Variants in BACH1 observed in about 807,000 individuals in gnomAD.
BACH1 encodes BTB domain and CNC homolog 1.
Under a neutral mutation model 52.9 loss-of-function variants are expected in BACH1, and 35 were observed. The ratio of observed to expected loss-of-function variants is 0.66; its 90% CI spans 0.51 to 0.88. The LOEUF (loss-of-function observed/expected upper bound fraction) is 0.88. BACH1 is among the 40% of genes least tolerant of loss of function. The pLI is 0.00. For missense variants in BACH1, 808 were observed against 872.6 expected (o/e 0.93, Z 0.93); for synonymous variants, 321 against 319.6 (o/e 1.00, Z -0.05).
At chr21:29,309,084 C>T (rs1342737666) in intron 1 of BACH1, among the ~76,000 whole-genome samples, 1 of 152,032 alleles carries the variant, frequency 6.6e-6, no homozygotes, top group African/African-American at 2.4e-5. Context: ...ATGGTGAAAC[C>T]CTGTCTCTAC....
intron 1 of BACH1, among the ~76,000 whole-genome samples, chr21:29,306,902 T>C (rs1250073198): frequency 2.0e-5 from 3 of 152,206 alleles, no homozygotes; most frequent in Non-Finnish European, 4.4e-5. Flanking sequence ...TAAATATATA[T>C]AGAAGAAATA....
chr21:29,326,808 A>G lies in BACH1; in HGVS notation c.984A>G (p.Thr328=). The G allele has an allele frequency of 4.3e-6, 7 of 1,614,188 alleles. No homozygotes were observed. The highest frequency in any genetic ancestry group is 5.1e-6 in the Non-Finnish European group (6 of 1,180,040). ...TTTATTCTTTGTCTCTTTTACACAC[A>G]TATGACCAATATGGTGACTTGAATT... is the stretch of plus-strand genomic sequence containing the variant. ...HGLYSLSLLH[T]YDQYGDLNFA... The change falls in exon 3 of 5, where the codon ACA becomes ACG. Residue 328 remains threonine (T), a synonymous_variant. Coordinates refer to ENST00000286800, the MANE Select transcript of BACH1 (RefSeq NM_001186.4).
At chr21:29,334,286 G>C (rs2089019629) in intron 4 of BACH1, among the ~76,000 whole-genome samples, 1 of 151,878 alleles carries the variant, frequency 6.6e-6, no homozygotes, top group Admixed American at 6.6e-5. Flanking sequence ...TTTTAGTAGA[G>C]ACGGGGTTTC....
intron 1 of BACH1, among the ~76,000 whole-genome samples, chr21:29,319,958 A>G (rs2088829744): frequency 6.6e-6 from 1 of 152,078 alleles, no homozygotes; most frequent in Non-Finnish European, 1.5e-5. Flanking sequence ...CTAAAAATAA[A>G]TTTATATTCT....
chr21:29,319,461 A>G (rs1262359302), intron 1 of BACH1, among the ~76,000 whole-genome samples: 2 of 151,664 alleles, frequency 1.3e-5, no homozygotes, highest in African/African-American at 4.9e-5. Context: ...TTGCTAGGAG[A>G]GATGCTGATA....
intron 1 of BACH1, among the ~76,000 whole-genome samples, chr21:29,309,604 C>G (rs2088697682): frequency 6.6e-6 from 1 of 152,106 alleles, no homozygotes; most frequent in East Asian, 1.9e-4. Flanking sequence ...ATTGGAAATT[C>G]TTTAGGTCTG....
chr21:29,342,788 A>C lies in BACH1; in HGVS notation c.2166A>C (p.Ser722=). The C allele has an allele frequency of 1.2e-6, 2 of 1,610,630 alleles. No individual in the cohort carries two copies. The highest frequency in any genetic ancestry group is 1.7e-6 in the Non-Finnish European group (2 of 1,177,194). Residue 722 remains serine (S), a synonymous_variant, in exon 5 of 5, where the codon TCA becomes TCC. Coordinates refer to ENST00000286800, the MANE Select transcript of BACH1 (RefSeq NM_001186.4). ...AGTGTCGTCAGAGTGGTGGGATCTC[A>C]GATTTCTGTCAGCAGATGACTGATA... is the stretch of plus-strand genomic sequence containing the variant. ...AEQCRQSGGI[S]DFCQQMTDKC... is the part of the protein sequence containing the mutation.
intron 4 of BACH1, among the ~76,000 whole-genome samples, chr21:29,330,342 A>T (rs969625031): frequency 6.7e-5 from 10 of 150,064 alleles, no homozygotes; most frequent in African/African-American, 2.4e-4. Context: ...TTTTTTTTTT[A>T]ATTTATTTTT....
At chr21:29,327,428 A>G in intron 3 of BACH1, 35 bp downstream of exon 3, 3 of 1,580,174 alleles carry the variant, frequency 1.9e-6, no homozygotes, top group Non-Finnish European at 2.6e-6. Flanking sequence ...CATTGTTTTA[A>G]TAACCATTAA....
intron 1 of BACH1, among the ~76,000 whole-genome samples, chr21:29,312,980 C>T (rs1290744939): frequency 6.6e-5 from 10 of 152,164 alleles, no homozygotes; most frequent in Non-Finnish European, 1.3e-4. Context: ...TAAGGAGGCT[C>T]AACATCCATT....
At chr21:29,355,604 A>C (rs1005083357) in intron 2 of BACH1, among the ~76,000 whole-genome samples, 1 of 152,198 alleles carries the variant, frequency 6.6e-6, no homozygotes, top group East Asian at 1.9e-4. Context: ...AGGCCAGTGA[A>C]AGGGCCAGCG....
At chr21:29,351,008 C>T (rs1259810614), downstream of BACH1, among the ~76,000 whole-genome samples, 1 of 152,186 alleles carries the variant, frequency 6.6e-6, no homozygotes, top group Non-Finnish European at 1.5e-5. Flanking sequence ...TCTTTTTCCT[C>T]TTCCTCATCT....
At chr21:29,349,364 A>G (rs543499782), downstream of BACH1, among the ~76,000 whole-genome samples, 39 of 152,104 alleles carry the variant, frequency 2.6e-4, no homozygotes, top group Non-Finnish European at 4.6e-4. Context: ...GCTACACCTA[A>G]AAGGCCTGTG....
chr21:29,308,143 T>C (rs1423948409), intron 1 of BACH1, among the ~76,000 whole-genome samples: 1 of 152,222 alleles, frequency 6.6e-6, no homozygotes, highest in Non-Finnish European at 1.5e-5. Context: ...TTGTTCCTTA[T>C]TTGGCTGAAT....
chr21:29,321,629 A>C, intron 2 of BACH1, 115 bp downstream of exon 2: 1 of 851,080 alleles, frequency 1.2e-6, no homozygotes, highest in Non-Finnish European at 1.7e-6. Flanking sequence ...AGCATTTCCC[A>C]GGTTCTGTGC....
rs139892353 is a variant in BACH1 at position 29,332,195 on chromosome 21, A to G, written c.1776+2502A>G. On this transcript the variant is annotated intron_variant, in intron 4 of 4. Transcript: ENST00000286800. ...GTGATCCGCCCGCCTCAGCCTTCCA[A>G]AGTGCTGGGATTACAGGTGTGAGCC... Among the ~76,000 whole-genome samples, 815 of 152,166 alleles carry G rather than the reference A, an allele frequency of 5.4e-3. 6 individuals carry two copies. The highest frequency in any genetic ancestry group is 0.019 in the African/African-American group (771 of 41,510).
intron 1 of BACH1, among the ~76,000 whole-genome samples, chr21:29,306,430 A>G (rs957239624): frequency 6.6e-6 from 1 of 151,120 alleles, no homozygotes; most frequent in Non-Finnish European, 1.5e-5. Flanking sequence ...CTCATAGCAG[A>G]TGCTACCTTG....
At chr21:29,333,936 T>C (rs1174127088) in intron 4 of BACH1, among the ~76,000 whole-genome samples, 2 of 152,224 alleles carry the variant, frequency 1.3e-5, no homozygotes, top group African/African-American at 2.4e-5. Flanking sequence ...AAAAGGTGTT[T>C]ATTTATTTGG....
At chr21:29,307,583 A>G (rs996575436) in intron 1 of BACH1, among the ~76,000 whole-genome samples, 2 of 152,220 alleles carry the variant, frequency 1.3e-5, no homozygotes, top group Non-Finnish European at 2.9e-5. Context: ...CATCACATTC[A>G]CATAACTTTT....
Sources: gnomAD v4.1 joint callset for allele counts (sites outside exome capture counted in the v4.1 genomes callset) on GRCh38, gnomAD v4.1.1 for gene constraint, MANE v1.5 for transcripts, NCBI Gene and HGNC (gene_info 2026-07-23, HGNC 2026-07-21) for gene names.